DAZL: variants seen among roughly 807,000 people sequenced by gnomAD.
The protein encoded by DAZL is deleted in azoospermia-like.
In DAZL, 4 loss-of-function variants were observed where a neutral mutation model predicts 45.0. That is an observed-to-expected ratio of 0.09 (90% CI 0.04 to 0.20). DAZL has a LOEUF of 0.20. Ranked by LOEUF, DAZL falls within the 10% of genes least tolerant of loss-of-function variation. The pLI, the probability that DAZL is intolerant of heterozygous loss-of-function variation, is 1.00. For missense variants in DAZL, 326 were observed against 351.3 expected, an observed-to-expected ratio of 0.93 and a Z score of 0.58; for synonymous variants, 122 against 112.4, an observed-to-expected ratio of 1.09 and a Z score of -0.54.
At position 16,594,508 on chromosome 3, in the gene DAZL, T is replaced by G. The variant is rs768623514; in HGVS notation, c.621+25A>C. 3.2e-6 allele frequency: 5 copies of G among 1,552,564 alleles called. No individual in the cohort carries two copies. In the East Asian group the frequency reaches 1.1e-4, roughly 35 times the overall value. ...AAAAATACTTTAAAATAACAGGAAT[T>G]ATATGTTTGGCTAATTCACTTTACC... On this transcript the variant is annotated intron_variant, in intron 8 of 10. Transcript: ENST00000399444.
At chr3:16,597,448 G>C (rs756483007) in intron 4 of DAZL, 42 bp downstream of exon 4, 8 of 1,201,352 alleles carry the variant, frequency 6.7e-6, no homozygotes, top group Non-Finnish European at 9.9e-6. Flanking sequence ...ACTAAACATT[G>C]TATCAATTAA....
rs1429566093 is a variant in DAZL at position 16,586,954 on chromosome 3, A to G, written c.*1706T>C. ...TAAATGCTTCACTCCAACAAAGACA[A>G]AAATTTATTCCCTTACTTTTCCTTA... On this transcript the variant is annotated 3_prime_UTR_variant, in exon 11 of 11. Transcript: ENST00000399444. The G allele has an allele frequency of 6.6e-6, 1 of 152,180 alleles. No homozygotes were observed. The highest frequency in any genetic ancestry group is 1.9e-4 in the East Asian group (1 of 5,206). The allele number at this position is 152,180 out of a possible 1,614,324, so 9.4% of individuals were successfully genotyped here.
intron 6 of DAZL, 63 bp downstream of exon 6, chr3:16,596,687 A>G: frequency 3.2e-6 from 5 of 1,564,478 alleles, no homozygotes; most frequent in Non-Finnish European, 4.4e-6. Context: ...AATTGGATGT[A>G]ATTCCACAGA....
rs752716289 is a variant in DAZL, at chr3:16,605,183, G to C, written c.3+20C>G. 3.7e-6 allele frequency: 6 copies of C among 1,614,074 alleles called. No homozygotes were observed. Among genetic ancestry groups the C allele is most frequent in the Non-Finnish European group, 5.1e-6 (6 of 1,179,962 alleles). ...GAAGACTCCGCCAGCCTTGCCCCTC[G>C]GGCCTCTCCCTCAACTCACCATGAT... On this transcript the variant is annotated intron_variant, in intron 1 of 10. Coordinates refer to ENST00000399444, the MANE Select transcript of DAZL (RefSeq NM_001351.4).
chr3:16,595,455 A>C, intron 6 of DAZL, 70 bp from the exon 7 acceptor site: 1 of 898,050 alleles, frequency 1.1e-6, no homozygotes. Context: ...ATTATTCCCA[A>C]TATAACAAAA....
chr3:16,604,653 G>C (rs1222903677), intron 1 of DAZL: 3 of 1,368,114 alleles, frequency 2.2e-6, no homozygotes, highest in African/African-American at 1.5e-5. Flanking sequence ...CAGGGACCAG[G>C]AGGGAACCAC....
rs747057283 is a variant in DAZL at position 16,596,840 on chromosome 3, TGGA to T, written c.405_407del (p.Pro137del). ...TAGTCCAGACATTCTGAAACTGTGG[TGGA>T]GGAGGATGATTAAAAACCAAAGGAC... On this transcript the variant is annotated inframe_deletion, in exon 6 of 11. Coordinates refer to ENST00000399444, the MANE Select transcript of DAZL (RefSeq NM_001351.4). The T allele has an allele frequency of 6.2e-7, 1 of 1,613,778 alleles. No homozygotes were observed. Among genetic ancestry groups the T allele is most frequent in the Non-Finnish European group, 8.5e-7 (1 of 1,179,764 alleles).
In DAZL at chr3:16,588,686, T is replaced by G; in HGVS notation, c.862A>C (p.Ser288Arg). ...KDKRVHHFRRSRAMLKSV is the reference protein window; with the variant it reads ...KDKRVHHFRRRRAMLKSV ...CAAACAGATTTAAGCATTGCCCGAC[T>G]TCTTCTAAAGTGATGCACTCTTTTA... Residue 288 changes from serine (S) to arginine (R), a missense_variant, in exon 11 of 11, where the codon AGT (serine) becomes CGT (arginine). Ser to Arg is a moderately radical substitution (Grantham distance 110). Around this residue, in one of 3 missense-constraint regions of DAZL, gnomAD observed 227 missense variants for 216.6 expected, o/e 1.05. Transcript: ENST00000399444. 1 of 1,611,920 alleles carries G rather than the reference T, an allele frequency of 6.2e-7. No individual in the cohort carries two copies. The highest frequency in any genetic ancestry group is 8.5e-7 in the Non-Finnish European group (1 of 1,178,348).
rs1414337886 is a variant in DAZL at position 16,588,730 on chromosome 3, G to C, written c.835-17C>G. The C allele has an allele frequency of 2.5e-6, 4 of 1,606,918 alleles. No homozygotes were observed. Among genetic ancestry groups the C allele is most frequent in the African/African-American group, 1.3e-5 (1 of 74,738 alleles). On this transcript the variant is annotated splice_polypyrimidine_tract_variant and intron_variant, in intron 10 of 10. Transcript: ENST00000399444. ...TCTTTTATCCTGGAAAAGACAGAAA[G>C]AGTCCTTTTACTTTACTGAAAATTT... is the stretch of plus-strand genomic sequence containing the variant.
chr3:16,598,167 A>T lies in DAZL; in HGVS notation c.162T>A (p.Thr54=). 6.3e-7 allele frequency: 1 copy of T among 1,594,986 alleles called. No individual in the cohort carries two copies. The highest frequency in any genetic ancestry group is 2.2e-5 in the East Asian group (1 of 44,448). Residue 54 remains threonine (T), a synonymous_variant, in exon 3 of 11, where the codon ACT becomes ACA. Coordinates refer to ENST00000399444, the MANE Select transcript of DAZL (RefSeq NM_001351.4). ...VGGIDVRMDE[T]EIRSFFARYG... ...ATCTAGCAAAGAAGCTTCTAATCTCAGTTTCATCCATCTATGGAAAAGAAT... is the reference window on the plus strand; with the variant it reads ...ATCTAGCAAAGAAGCTTCTAATCTCTGTTTCATCCATCTATGGAAAAGAAT...
intron 10 of DAZL, among the ~76,000 whole-genome samples, 191 bp from the exon 11 acceptor site, chr3:16,588,904 AT>A (rs1258943339): frequency 4.0e-4 from 61 of 152,228 alleles, no homozygotes; most frequent in South Asian, 2.5e-3. Flanking sequence ...GGCTAGTTTT[AT>A]TAAACAGTTT....
Position 16,605,226 on chromosome 3 carries a change from C to CCCGA in DAZL, c.-25_-22dup. The CCCGA allele has an allele frequency of 6.2e-7, 1 of 1,614,196 alleles. No homozygotes were observed. The highest frequency in any genetic ancestry group is 1.7e-5 in the Admixed American group (1 of 60,032). ...ACCATGATGGCGGCAGGCAGCAGTT[C>CCCGA]CCGACCGGCTCCAGGAGGAGCAGAG... On this transcript the variant is annotated 5_prime_UTR_variant, in exon 1 of 11. Transcript: ENST00000399444.
chr3:16,602,217 T>C (rs1027229999), intron 1 of DAZL, among the ~76,000 whole-genome samples: 3 of 152,060 alleles, frequency 2.0e-5, no homozygotes, highest in African/African-American at 4.8e-5. Flanking sequence ...ACCTGAGAAA[T>C]GGGTTATGAC....
Position 16,605,245 on chromosome 3 carries a change from A to T in DAZL, c.-40T>A. 2 of 1,613,980 alleles carry T rather than the reference A, an allele frequency of 1.2e-6. No homozygotes were observed. Among genetic ancestry groups the T allele is most frequent in the Non-Finnish European group, 1.7e-6 (2 of 1,179,866 alleles). On this transcript the variant is annotated 5_prime_UTR_variant, in exon 1 of 11. Coordinates refer to ENST00000399444, the MANE Select transcript of DAZL (RefSeq NM_001351.4). The stretch of plus-strand genomic sequence containing the variant: ...GCAGTTCCCGACCGGCTCCAGGAGG[A>T]GCAGAGGCTGTGCTTGGCGCACCAC...
chr3:16,604,646 G>A (rs1694746584), intron 1 of DAZL: 2 of 1,362,190 alleles, frequency 1.5e-6, no homozygotes, highest in Non-Finnish European at 1.9e-6. Context: ...CCAAGTACAG[G>A]GACCAGGAGG....
chr3:16,592,267 C>T, intron 9 of DAZL, 119 bp from the exon 10 acceptor site: 1 of 1,441,348 alleles, frequency 6.9e-7, no homozygotes. Flanking sequence ...GCAAAAAATG[C>T]TAAAAGAGAC....
At chr3:16,601,712 C>A (rs1447891303) in intron 1 of DAZL, among the ~76,000 whole-genome samples, 1 of 152,112 alleles carries the variant, frequency 6.6e-6, no homozygotes, top group Non-Finnish European at 1.5e-5. Flanking sequence ...CTTAATCATA[C>A]CTTCAAGTGA....
At chr3:16,599,136 T>C (rs942743303) in intron 1 of DAZL, among the ~76,000 whole-genome samples, 2 of 151,848 alleles carry the variant, frequency 1.3e-5, no homozygotes, top group African/African-American at 4.8e-5. Flanking sequence ...TCTTGCACAA[T>C]GCTGTGGAAG....
chr3:16,596,780 G>A lies in DAZL; in HGVS notation c.468C>T (p.Thr156=). The A allele has an allele frequency of 1.2e-6, 2 of 1,613,768 alleles. No homozygotes were observed. The highest frequency in any genetic ancestry group is 1.7e-6 in the Non-Finnish European group (2 of 1,179,718). Residue 156 remains threonine, a synonymous_variant, in exon 6 of 11, where the codon ACC becomes ACT. Transcript: ENST00000399444. ...PNTETYMQPT[T]TMNPITQYVQ... ...CATACTGAGTTATAGGATTCATCGTGGTTGTGGGCTGCATATAAGTTTCAG... is the reference window on the plus strand; with the variant it reads ...CATACTGAGTTATAGGATTCATCGTAGTTGTGGGCTGCATATAAGTTTCAG...
Sources: gnomAD v4.1 joint callset for allele counts (sites outside exome capture counted in the v4.1 genomes callset) on GRCh38, gnomAD v4.1.1 for gene constraint, gnomAD v4.1.1 regional missense constraint, MANE v1.5 for transcripts, NCBI Gene and HGNC (gene_info 2026-07-23, HGNC 2026-07-21) for gene names.